The following RHOBTB1 variants were observed in gnomAD, a reference collection of about 807,000 sequenced individuals.
RHOBTB1 encodes the protein Rho related BTB domain containing 1, also known as rho-related BTB domain-containing protein 1.
A neutral mutation model predicts 71.6 loss-of-function variants in RHOBTB1; 40 were observed. The observed-to-expected ratio is 0.56, with a 90% confidence interval of 0.43 to 0.73. RHOBTB1 has a LOEUF of 0.73. Among genes scored for constraint, RHOBTB1 ranks in the 30% least tolerant of loss-of-function variants. RHOBTB1 has a pLI of 0.00. For synonymous variants in RHOBTB1, 319 were observed against 334.9 expected (o/e 0.95, Z 0.52); for missense variants, 797 against 894.0 (o/e 0.89, Z 1.38).
chr10:60,867,546 C>T (rs1351120243), downstream of RHOBTB1, among the ~76,000 whole-genome samples: 2 of 152,202 alleles, frequency 1.3e-5, no homozygotes, highest in Non-Finnish European at 2.9e-5. Context: ...GTTGATAATT[C>T]TTTCACGTCT....
intron 1 of RHOBTB1, among the ~76,000 whole-genome samples, chr10:60,942,885 T>C (rs1203026394): frequency 6.7e-6 from 1 of 150,174 alleles, no homozygotes; most frequent in African/African-American, 2.5e-5. Context: ...GTTTAGAGTA[T>C]GTTAGTGCAG....
chr10:60,889,721 G>C (rs1055777830), intron 5 of RHOBTB1, among the ~76,000 whole-genome samples: 6 of 151,972 alleles, frequency 3.9e-5, no homozygotes, highest in African/African-American at 7.3e-5. Flanking sequence ...ATTTAATCTT[G>C]GGTAAGTTAC....
chr10:60,940,174 T>C (rs1174171561), intron 2 of RHOBTB1, among the ~76,000 whole-genome samples: 1 of 152,174 alleles, frequency 6.6e-6, no homozygotes, highest in Non-Finnish European at 1.5e-5. Flanking sequence ...TTAAAAAATA[T>C]CTTCACTAAT....
chr10:60,931,839 A>G (rs2084275013), intron 2 of RHOBTB1, among the ~76,000 whole-genome samples: 1 of 152,178 alleles, frequency 6.6e-6, no homozygotes, highest in Non-Finnish European at 1.5e-5. Context: ...CCATATAAAA[A>G]GACAGCTGTG....
At chr10:60,895,250 C>T (rs887048587) in intron 4 of RHOBTB1, among the ~76,000 whole-genome samples, 1 of 152,076 alleles carries the variant, frequency 6.6e-6, no homozygotes, top group Admixed American at 6.6e-5. Flanking sequence ...GTGCTGAGAG[C>T]AATACTACCT....
At chr10:60,934,535 G>C (rs985988462) in intron 2 of RHOBTB1, among the ~76,000 whole-genome samples, 7 of 152,248 alleles carry the variant, frequency 4.6e-5, no homozygotes, top group Admixed American at 4.6e-4. Flanking sequence ...AGTCATGTCA[G>C]AAGAGAGTCC....
chr10:60,986,426 T>TATA (rs2086668842), intron 1 of RHOBTB1, among the ~76,000 whole-genome samples: 1 of 144,090 alleles, frequency 6.9e-6, no homozygotes, highest in African/African-American at 2.6e-5. Flanking sequence ...TATATATATA[T>TATA]ATATAAAATA....
chr10:60,871,655 G>C lies in RHOBTB1; in HGVS notation c.1922-4C>G, dbSNP rs780225078. 18 of 1,613,066 alleles carry C rather than the reference G, an allele frequency of 1.1e-5. No homozygotes were observed. The highest frequency in any genetic ancestry group is 1.5e-5 in the Non-Finnish European group (18 of 1,179,650). On this transcript the variant is annotated splice_polypyrimidine_tract_variant and splice_region_variant and intron_variant, in intron 10 of 10. Coordinates refer to ENST00000337910, the MANE Select transcript of RHOBTB1 (RefSeq NM_014836.5). ...CGCTCGAAGTATTCCTGGTTGTCTG[G>C]TGAAGGAAAGATGCAGACCATAAGA...
At chr10:60,874,833 G>C in intron 9 of RHOBTB1, 121 bp downstream of exon 9, 2 of 719,550 alleles carry the variant, frequency 2.8e-6, no homozygotes, top group Non-Finnish European at 4.9e-6. Flanking sequence ...GTGTACACAG[G>C]GGGACTCTGT....
intron 2 of RHOBTB1, among the ~76,000 whole-genome samples, chr10:60,937,001 T>G (rs1178126262): frequency 6.6e-6 from 1 of 152,152 alleles, no homozygotes; most frequent in Non-Finnish European, 1.5e-5. Flanking sequence ...ATACTAAAAG[T>G]GAAATTGCAC....
At chr10:60,997,830 G>A (rs1224486988) in intron 1 of RHOBTB1, among the ~76,000 whole-genome samples, 1 of 152,174 alleles carries the variant, frequency 6.6e-6, no homozygotes, top group East Asian at 1.9e-4. Flanking sequence ...AGGCTCTTTT[G>A]AATTTCTGAA....
intron 2 of RHOBTB1, among the ~76,000 whole-genome samples, chr10:60,964,521 C>A (rs1272054397): frequency 2.0e-5 from 3 of 152,136 alleles, no homozygotes; most frequent in South Asian, 2.1e-4. Context: ...TCTAAGGCCA[C>A]CTGCTTTGGA....
At chr10:60,970,364 T>C (rs1312183604) in intron 2 of RHOBTB1, among the ~76,000 whole-genome samples, 1 of 152,102 alleles carries the variant, frequency 6.6e-6, no homozygotes, top group Non-Finnish European at 1.5e-5. Flanking sequence ...AAACTCACTA[T>C]TCCACCCAGA....
intron 2 of RHOBTB1, among the ~76,000 whole-genome samples, chr10:60,941,020 C>A (rs755275538): frequency 2.0e-5 from 3 of 152,158 alleles, no homozygotes; most frequent in Admixed American, 6.5e-5. Flanking sequence ...AGAAAGTACA[C>A]ATGAATACTT....
At chr10:60,943,699 A>G (rs1392434393) in intron 1 of RHOBTB1, among the ~76,000 whole-genome samples, 1 of 151,956 alleles carries the variant, frequency 6.6e-6, no homozygotes, top group Non-Finnish European at 1.5e-5. Context: ...CCTGTTGTAC[A>G]TTTTCTCAGC....
chr10:60,861,856 T>G, the RHOBTB1 span, among the ~76,000 whole-genome samples: 1 of 152,216 alleles, frequency 6.6e-6, no homozygotes, highest in Non-Finnish European at 1.5e-5. Flanking sequence ...CAAGATCTAA[T>G]GGTCAATAAA....
At chr10:60,903,989 GT>G (rs1220538089) in intron 4 of RHOBTB1, among the ~76,000 whole-genome samples, 3 of 151,480 alleles carry the variant, frequency 2.0e-5, no homozygotes, top group Non-Finnish European at 4.4e-5. Flanking sequence ...TTGAGACAGG[GT>G]CTTGCTCTGT....
At chr10:60,952,761 A>G (rs1436876624) in intron 2 of RHOBTB1, among the ~76,000 whole-genome samples, 1 of 152,104 alleles carries the variant, frequency 6.6e-6, no homozygotes, top group South Asian at 2.1e-4. Context: ...CAGGTAAACT[A>G]CCTTAGTATT....
chr10:60,864,730 T>C (rs1260232359), downstream of RHOBTB1, among the ~76,000 whole-genome samples: 1 of 152,212 alleles, frequency 6.6e-6, no homozygotes, highest in African/African-American at 2.4e-5. Context: ...TCTCACTCTG[T>C]TGCCCAGGCT....
Sources: allele counts gnomAD v4.1 joint callset (sites outside exome capture counted in the v4.1 genomes callset), GRCh38; gene constraint gnomAD v4.1.1; transcripts MANE v1.5; gene names NCBI Gene and HGNC (gene_info 2026-07-23, HGNC 2026-07-21).